NPSR1: variants seen among roughly 807,000 people sequenced by gnomAD.
The protein encoded by NPSR1 is neuropeptide S receptor.
NPSR1 carries 48 observed loss-of-function variants against 46.9 expected under a neutral mutation model. The observed-to-expected ratio is 1.02, with a 90% CI of 0.81 to 1.30. NPSR1 has a LOEUF of 1.30. Ranked by LOEUF, NPSR1 falls within the 50% of genes most tolerant of loss-of-function variation. The probability of loss-of-function intolerance (pLI) is 0.00; values close to 1 mark genes in which losing one functional copy is unlikely to be tolerated. For synonymous variants in NPSR1, 176 were observed against 168.1 expected (o/e 1.05, Z -0.36); for missense variants, 450 against 449.5 (o/e 1.00, Z -0.01).
chr7:34,809,595 C>G (rs1003248478), intron 3 of NPSR1, among the ~76,000 whole-genome samples: 4 of 151,276 alleles, frequency 2.6e-5, no homozygotes, highest in African/African-American at 7.3e-5. Flanking sequence ...TCCCGAGTAG[C>G]TGGGACTACA....
intron 2 of NPSR1, among the ~76,000 whole-genome samples, chr7:34,765,569 A>G (rs1786388789): frequency 6.6e-6 from 1 of 152,222 alleles, no homozygotes; most frequent in South Asian, 2.1e-4. Context: ...ATTACTGGGC[A>G]TATACCCAAA....
At position 34,728,713 on chromosome 7, in the gene NPSR1, C is replaced by T. The variant is rs560460827; in HGVS notation, c.280+44029C>T. On this transcript the variant is annotated intron_variant, in intron 2 of 8. Transcript: ENST00000360581. ...TGGGAATAACCCCTCTGATGGGCTT[C>T]AGACCCATGATAGCTATACGTACTT... 10 of 152,774 alleles carry T rather than the reference C, an allele frequency of 6.5e-5. No homozygotes were observed. The South Asian group carries it at 2.1e-3, about 32-fold the overall frequency. The allele number at this position is 152,774 out of a possible 1,614,324, so 9.5% of individuals were successfully genotyped here.
At chr7:34,798,298 G>A (rs903161689) in intron 3 of NPSR1, among the ~76,000 whole-genome samples, 5 of 152,162 alleles carry the variant, frequency 3.3e-5, no homozygotes. Flanking sequence ...ACTTTGGGAG[G>A]CCGAGGCAGG....
chr7:34,677,918 T>G (rs1248529421), intron 1 of NPSR1, among the ~76,000 whole-genome samples: 1 of 152,216 alleles, frequency 6.6e-6, no homozygotes, highest in Non-Finnish European at 1.5e-5. Flanking sequence ...ATGGTGCCAG[T>G]GAAGACAGAG....
At chr7:34,875,783 A>G (rs1562782572) in intron 8 of NPSR1, among the ~76,000 whole-genome samples, 1 of 152,152 alleles carries the variant, frequency 6.6e-6, no homozygotes, top group Non-Finnish European at 1.5e-5. Context: ...TTGGGAAAGA[A>G]GCACAATGAC....
chr7:34,715,831 G>T (rs1472484741), intron 2 of NPSR1, among the ~76,000 whole-genome samples: 1 of 152,176 alleles, frequency 6.6e-6, no homozygotes, highest in African/African-American at 2.4e-5. Flanking sequence ...ATGGGAGGGC[G>T]ATCCATGAGG....
chr7:34,877,330 A>G (rs1423825229), intron 8 of NPSR1, among the ~76,000 whole-genome samples: 1 of 152,050 alleles, frequency 6.6e-6, no homozygotes, highest in African/African-American at 2.4e-5. Context: ...CTTATCCAAA[A>G]CCTGACACAA....
intron 2 of NPSR1, among the ~76,000 whole-genome samples, chr7:34,741,271 CT>C (rs1368112378): frequency 6.6e-6 from 1 of 152,108 alleles, no homozygotes; most frequent in Non-Finnish European, 1.5e-5. Context: ...CTTTCTGTCC[CT>C]TTATCTCTCT....
chr7:34,747,924 G>A (rs1785295790), intron 2 of NPSR1, among the ~76,000 whole-genome samples: 1 of 152,216 alleles, frequency 6.6e-6, no homozygotes, highest in Non-Finnish European at 1.5e-5. Flanking sequence ...GGACACTGCT[G>A]CCTCTCTGCC....
intron 1 of NPSR1, among the ~76,000 whole-genome samples, chr7:34,672,565 A>G (rs1189740370): frequency 2.0e-5 from 3 of 152,210 alleles, no homozygotes; most frequent in Non-Finnish European, 4.4e-5. Context: ...GGCCCATGGT[A>G]CTGATGATAA....
intron 2 of NPSR1, chr7:34,704,112 G>A (rs1055776087): frequency 6.6e-6 from 1 of 152,174 alleles, no homozygotes; most frequent in Non-Finnish European, 1.5e-5. Context: ...CGTTCAGCAA[G>A]GGAGGTAAGG....
intron 3 of NPSR1, among the ~76,000 whole-genome samples, 177 bp from the exon 4 acceptor site, chr7:34,811,593 C>A (rs2128750883): frequency 6.6e-6 from 1 of 152,230 alleles, no homozygotes; most frequent in South Asian, 2.1e-4. Context: ...CCTCTTTCAC[C>A]CAGTATTTCC....
At chr7:34,754,269 G>A (rs1283455986) in intron 2 of NPSR1, among the ~76,000 whole-genome samples, 1 of 152,122 alleles carries the variant, frequency 6.6e-6, no homozygotes, top group Non-Finnish European at 1.5e-5. Flanking sequence ...ACATGTTCTT[G>A]TACCTCAGTC....
At chr7:34,792,936 C>G (rs1216956978) in intron 3 of NPSR1, among the ~76,000 whole-genome samples, 1 of 150,112 alleles carries the variant, frequency 6.7e-6, no homozygotes, top group Non-Finnish European at 1.5e-5. Flanking sequence ...GCTTATAATA[C>G]CAGCACCTTG....
intron 2 of NPSR1, chr7:34,750,356 C>A: frequency 1.4e-6 from 1 of 731,144 alleles, no homozygotes; most frequent in South Asian, 1.4e-5. Context: ...TGACTCATCA[C>A]TTGAGAAGAC....
chr7:34,837,741 T>A (rs1463889475), intron 6 of NPSR1, among the ~76,000 whole-genome samples: 1 of 152,208 alleles, frequency 6.6e-6, no homozygotes, highest in Non-Finnish European at 1.5e-5. Flanking sequence ...AATGCACACA[T>A]AAAGACAAGA....
intron 2 of NPSR1, among the ~76,000 whole-genome samples, chr7:34,740,470 TCTC>T (rs1784887657): frequency 6.6e-6 from 1 of 151,688 alleles, no homozygotes; most frequent in African/African-American, 2.4e-5. Flanking sequence ...GAGGTTTCCT[TCTC>T]CTTGTAGCCT....
rs1360550261 is a variant in NPSR1, at chr7:34,765,937, T to C, written c.281-12525T>C. ...ATGAAAATCCAGCTATTGGGCATTA[T>C]GCTCAGTACCTGTGTAATGGGATCA... is the stretch of plus-strand genomic sequence containing the variant. On this transcript the variant is annotated intron_variant, in intron 2 of 8. Transcript: ENST00000360581. Among the ~76,000 whole-genome samples, 3 of 152,316 alleles carry C rather than the reference T, an allele frequency of 2.0e-5. No homozygotes were observed. In the East Asian group the frequency reaches 5.8e-4, roughly 29 times the overall value.
At chr7:34,718,234 T>A (rs1277369300) in intron 2 of NPSR1, among the ~76,000 whole-genome samples, 1 of 152,226 alleles carries the variant, frequency 6.6e-6, no homozygotes, top group Admixed American at 6.5e-5. Context: ...GCTAAATAAC[T>A]CATATTTTCC....
Sources: allele counts gnomAD v4.1 joint callset (sites outside exome capture counted in the v4.1 genomes callset), GRCh38; gene constraint gnomAD v4.1.1; transcripts MANE v1.5; gene names NCBI Gene and HGNC (gene_info 2026-07-23, HGNC 2026-07-21).